GYG1: variants seen among roughly 807,000 people sequenced by gnomAD.
The protein encoded by GYG1 is glycogenin 1.
GYG1 carries 44 observed loss-of-function variants against 41.9 expected under a neutral mutation model. That is an observed-to-expected ratio of 1.05 (90% CI 0.83 to 1.35). The LOEUF (loss-of-function observed/expected upper bound fraction) is 1.35. Ranked by LOEUF, GYG1 falls within the 40% of genes most tolerant of loss-of-function variation. GYG1 has a pLI of 0.00. For synonymous variants in GYG1, 141 were observed against 158.1 expected, an observed-to-expected ratio of 0.89 and a Z score of 0.81; for missense variants, 429 against 418.9, an observed-to-expected ratio of 1.02 and a Z score of -0.21.
rs367909477 is a variant in GYG1, at chr3:149,013,393, T to C, written c.608+3991T>C. 2.4e-4 allele frequency among the ~76,000 whole-genome samples: 37 copies of C among 152,332 alleles called. 1 individual carries two copies. Among genetic ancestry groups the C allele is most frequent in the African/African-American group, 8.9e-4 (37 of 41,588 alleles). On this transcript the variant is annotated intron_variant, in intron 5 of 7. Coordinates refer to ENST00000345003, the MANE Select transcript of GYG1 (RefSeq NM_004130.4). ...TCTATTATATCCACTGACTAAACGCTCTCTAGGAATCTCATGCTATATAAA... is the reference window on the plus strand; with the variant it reads ...TCTATTATATCCACTGACTAAACGCCCTCTAGGAATCTCATGCTATATAAA...
Position 149,030,041 on chromosome 3 carries a change from AT to A in GYG1, c.*3109del, listed in dbSNP as rs1410119528. On this transcript the variant is annotated 3_prime_UTR_variant, in exon 8 of 8. Coordinates refer to ENST00000345003, the MANE Select transcript of GYG1 (RefSeq NM_004130.4). ...GTAATCTTCATGTACTCTCAAAAAA[AT>A]GTAACACTTGCATAGAAATGTCACA... The A allele has an allele frequency of 6.6e-6, 1 of 152,226 alleles. No homozygotes were observed. Among genetic ancestry groups the A allele is most frequent in the Non-Finnish European group, 1.5e-5 (1 of 68,030 alleles). The allele number at this position is 152,226 out of a possible 1,614,324, so 9.4% of individuals were successfully genotyped here.
chr3:148,996,727 C>T lies in GYG1; in HGVS notation c.319-15C>T, dbSNP rs146500395. 1.9e-5 allele frequency: 31 copies of T among 1,610,040 alleles called. No homozygotes were observed. The African/African-American group carries it at 3.2e-4, about 17-fold the overall frequency. On this transcript the variant is annotated splice_polypyrimidine_tract_variant and intron_variant, in intron 3 of 7. Transcript: ENST00000345003. ...CAAAAACATTTCTGTAATGCTCTTT[C>T]TCCCCTTTGATCAGGTCCTAGCAAA...
At chr3:148,998,776 G>T (rs1318708324) in intron 4 of GYG1, among the ~76,000 whole-genome samples, 1 of 152,138 alleles carries the variant, frequency 6.6e-6, no homozygotes, top group African/African-American at 2.4e-5. Context: ...TGCTTATACT[G>T]AAAGTTACCT....
Position 149,009,406 on chromosome 3 carries a change from A to C in GYG1, c.608+4A>C. The C allele has an allele frequency of 6.2e-7, 1 of 1,613,668 alleles. No individual in the cohort carries two copies. The highest frequency in any genetic ancestry group is 8.5e-7 in the Non-Finnish European group (1 of 1,179,584). ...CCTACCTCCCGGCATTTAAAGTGTA[A>C]GTGCAGATGGTTTAACTATTGTTGG... On this transcript the variant is annotated splice_donor_region_variant and intron_variant, in intron 5 of 7. Coordinates refer to ENST00000345003, the MANE Select transcript of GYG1 (RefSeq NM_004130.4).
In GYG1 at chr3:149,028,532, C is replaced by T. The variant is rs1344224714; in HGVS notation, c.*1599C>T. Among the ~76,000 whole-genome samples, 1 of 151,904 alleles carries T rather than the reference C, an allele frequency of 6.6e-6. No individual in the cohort carries two copies. The highest frequency in any genetic ancestry group is 1.5e-5 in the Non-Finnish European group (1 of 67,986). ...GCTAGTCAGAGGTCTTTCTGGCTTCCGAGTCCCTGGTTAAGATGAACAGAA... is the reference window on the plus strand; with the variant it reads ...GCTAGTCAGAGGTCTTTCTGGCTTCTGAGTCCCTGGTTAAGATGAACAGAA... On this transcript the variant is annotated 3_prime_UTR_variant, in exon 8 of 8. Coordinates refer to ENST00000345003, the MANE Select transcript of GYG1 (RefSeq NM_004130.4).
intron 7 of GYG1, 100 bp downstream of exon 7, chr3:149,026,602 A>G (rs548460997): frequency 4.4e-5 from 45 of 1,015,716 alleles, no homozygotes; most frequent in African/African-American, 3.6e-4. Flanking sequence ...CATATAATCT[A>G]TATTTTTGTG....
At chr3:149,019,578 A>G (rs1714260682) in intron 5 of GYG1, among the ~76,000 whole-genome samples, 1 of 152,236 alleles carries the variant, frequency 6.6e-6, no homozygotes, top group African/African-American at 2.4e-5. Flanking sequence ...TGCCCTGTCT[A>G]TGAAAGGACT....
chr3:149,018,578 T>TG (rs1553732605), intron 5 of GYG1, among the ~76,000 whole-genome samples: 1 of 152,148 alleles, frequency 6.6e-6, no homozygotes, highest in African/African-American at 2.4e-5. Context: ...TTCCCCCACT[T>TG]AACAGCTGCC....
At chr3:149,025,703 T>C (rs1246928448) in intron 6 of GYG1, among the ~76,000 whole-genome samples, 2 of 152,172 alleles carry the variant, frequency 1.3e-5, no homozygotes, top group African/African-American at 4.8e-5. Context: ...AGCAGCAGAA[T>C]GGGCCTCAAA....
At chr3:149,004,825 C>G (rs191811072) in intron 4 of GYG1, among the ~76,000 whole-genome samples, 67 of 152,286 alleles carry the variant, frequency 4.4e-4, no homozygotes, top group Admixed American at 3.7e-3. Context: ...TCTGTACACC[C>G]CGTGCTTCCC....
At chr3:148,998,508 T>G (rs767171645) in intron 4 of GYG1, among the ~76,000 whole-genome samples, 5 of 152,210 alleles carry the variant, frequency 3.3e-5, no homozygotes, top group Non-Finnish European at 7.3e-5. Context: ...GTTGCGAAAC[T>G]CTGCTCTCTA....
intron 5 of GYG1, among the ~76,000 whole-genome samples, chr3:149,011,593 A>G (rs755134034): frequency 7.9e-5 from 12 of 152,208 alleles, no homozygotes; most frequent in Non-Finnish European, 1.3e-4. Context: ...TTAACACACA[A>G]GAAGCAGGTG....
Position 148,991,551 on chromosome 3 carries a change from C to T in GYG1, c.-90C>T, listed in dbSNP as rs1712456913. On this transcript the variant is annotated 5_prime_UTR_variant, in exon 1 of 8. Coordinates refer to ENST00000345003, the MANE Select transcript of GYG1 (RefSeq NM_004130.4). Reference sequence around the variant, plus strand: ...GGCAGACGCTCGGTTCCCCGCCGTGCCTCCTCGCTGGCCGCGCTCCCTCCC... The same window carrying T: ...GGCAGACGCTCGGTTCCCCGCCGTGTCTCCTCGCTGGCCGCGCTCCCTCCC... The T allele has an allele frequency of 2.0e-6, 3 of 1,506,264 alleles. No homozygotes were observed. Among genetic ancestry groups the T allele is most frequent in the South Asian group, 1.2e-5 (1 of 83,082 alleles). The allele number at this position is 1,506,264 out of a possible 1,614,324, so 93.3% of individuals were successfully genotyped here. A position where few individuals can be genotyped will look rare whatever the true frequency, so the allele number is the denominator to read the frequency against.
chr3:149,009,739 A>T (rs187558959), intron 5 of GYG1, among the ~76,000 whole-genome samples: 35 of 152,302 alleles, frequency 2.3e-4, no homozygotes, highest in African/African-American at 8.2e-4. Flanking sequence ...TTTGTGCCCT[A>T]ACTCAATGTC....
At position 149,028,757 on chromosome 3, in the gene GYG1, A is replaced by G. The variant is rs764287313; in HGVS notation, c.*1824A>G. Among the ~76,000 whole-genome samples, 1 of 139,424 alleles carries G rather than the reference A, an allele frequency of 7.2e-6. No individual in the cohort carries two copies. Among genetic ancestry groups the G allele is most frequent in the Non-Finnish European group, 1.5e-5 (1 of 66,380 alleles). 91.5% of individuals were successfully genotyped at this position (139,424 alleles called of 152,430 possible). On this transcript the variant is annotated 3_prime_UTR_variant, in exon 8 of 8. Coordinates refer to ENST00000345003, the MANE Select transcript of GYG1 (RefSeq NM_004130.4). ...GAGGCAGAGTCTTGCTCTGTCAGTC[A>G]GTCACCAGGCTGGAGTGCAGTGGTG...
intron 5 of GYG1, among the ~76,000 whole-genome samples, chr3:149,022,655 C>T (rs1714437298): frequency 6.6e-6 from 1 of 151,610 alleles, no homozygotes; most frequent in Non-Finnish European, 1.5e-5. Flanking sequence ...GCCACCATAC[C>T]CAGCTAATTT....
At position 148,991,572 on chromosome 3, in the gene GYG1, CT is replaced by C; in HGVS notation, c.-68del. On this transcript the variant is annotated 5_prime_UTR_variant, in exon 1 of 8. Transcript: ENST00000345003. ...CGTGCCTCCTCGCTGGCCGCGCTCC[CT>C]CCCGGTGCCGGCTTCTCTGAGTCAC... 6.5e-7 allele frequency: 1 copy of C among 1,534,884 alleles called. No individual in the cohort carries two copies. Among genetic ancestry groups the C allele is most frequent in the African/African-American group, 1.4e-5 (1 of 72,360 alleles).
chr3:149,005,178 TA>T (rs760369939), intron 4 of GYG1, among the ~76,000 whole-genome samples: 34 of 152,126 alleles, frequency 2.2e-4, no homozygotes, highest in Non-Finnish European at 3.7e-4. Flanking sequence ...CCTACACATA[TA>T]TTTTTTTTTT....
At position 149,029,563 on chromosome 3, in the gene GYG1, A is replaced by C. The variant is rs1485229400; in HGVS notation, c.*2630A>C. On this transcript the variant is annotated 3_prime_UTR_variant, in exon 8 of 8. Coordinates refer to ENST00000345003, the MANE Select transcript of GYG1 (RefSeq NM_004130.4). ...ATGTGTTAAAAACTTGAGGTTAAACATTTGAGTTTTTGTTAAGAGCCAAAC... is the reference window on the plus strand; with the variant it reads ...ATGTGTTAAAAACTTGAGGTTAAACCTTTGAGTTTTTGTTAAGAGCCAAAC... Among the ~76,000 whole-genome samples the C allele has an allele frequency of 1.3e-5, 2 of 152,264 alleles. No homozygotes were observed. Among genetic ancestry groups the C allele is most frequent in the African/African-American group, 2.4e-5 (1 of 41,480 alleles).
Sources: allele counts gnomAD v4.1 joint callset (sites outside exome capture counted in the v4.1 genomes callset), GRCh38; gene constraint gnomAD v4.1.1; transcripts MANE v1.5; gene names NCBI Gene and HGNC (gene_info 2026-07-23, HGNC 2026-07-21).